Variants in TRPC4 observed in about 807,000 individuals in gnomAD.
TRPC4 encodes short transient receptor potential channel 4.
In TRPC4, 49 loss-of-function variants were observed where a neutral mutation model predicts 99.4. That is an observed-to-expected ratio of 0.49 (90% CI 0.39 to 0.63). The LOEUF is 0.63. Ranked by LOEUF, TRPC4 falls within the 20% of genes least tolerant of loss-of-function variation. TRPC4 has a pLI of 0.00. For synonymous variants in TRPC4, 454 were observed against 425.9 expected (o/e 1.07, Z -0.81); for missense variants, 898 against 1,152.9 (o/e 0.78, Z 3.20).
intron 1 of TRPC4, among the ~76,000 whole-genome samples, chr13:37,867,341 G>A (rs773775089): frequency 1.3e-4 from 19 of 151,826 alleles, no homozygotes; most frequent in Admixed American, 3.3e-4. Flanking sequence ...AATTATTTCA[G>A]TTTTCAGCTG....
intron 3 of TRPC4, among the ~76,000 whole-genome samples, chr13:37,733,636 G>T (rs1433842413): frequency 6.6e-6 from 1 of 151,976 alleles, no homozygotes; most frequent in Non-Finnish European, 1.5e-5. Flanking sequence ...ATAACAACTA[G>T]GTTCCTTGGT....
At chr13:37,711,811 G>A (rs1475566762) in intron 3 of TRPC4, among the ~76,000 whole-genome samples, 1 of 151,918 alleles carries the variant, frequency 6.6e-6, no homozygotes, top group African/African-American at 2.4e-5. Context: ...AATTTAAAAT[G>A]TTCTAATAGA....
chr13:37,817,101 ATAAGCCTT>A (rs1319033813), intron 1 of TRPC4, among the ~76,000 whole-genome samples: 2 of 152,132 alleles, frequency 1.3e-5, no homozygotes, highest in African/African-American at 4.8e-5. Context: ...TGCAGACAAC[ATAAGCCTT>A]TAACTAGAAA....
intron 3 of TRPC4, among the ~76,000 whole-genome samples, chr13:37,700,114 C>G (rs1954058206): frequency 6.6e-6 from 1 of 152,134 alleles, no homozygotes; most frequent in African/African-American, 2.4e-5. Context: ...TTCACCAATA[C>G]CCTTCTCAGA....
intron 1 of TRPC4, among the ~76,000 whole-genome samples, chr13:37,844,360 T>C (rs560547307): frequency 3.3e-5 from 5 of 152,198 alleles, no homozygotes; most frequent in Non-Finnish European, 5.9e-5. Flanking sequence ...AATGGCACAA[T>C]CTCGGCTCAC....
At chr13:37,800,245 T>G (rs1482231566) in intron 1 of TRPC4, among the ~76,000 whole-genome samples, 1 of 152,140 alleles carries the variant, frequency 6.6e-6, no homozygotes, top group Non-Finnish European at 1.5e-5. Context: ...CAGGCTAGAG[T>G]GCAGTGGCTA....
intron 1 of TRPC4, among the ~76,000 whole-genome samples, chr13:37,798,761 C>G (rs1299003548): frequency 1.3e-5 from 2 of 152,102 alleles, no homozygotes; most frequent in Non-Finnish European, 2.9e-5. Context: ...GAAGTAAAAT[C>G]ATGATTGTTA....
At chr13:37,639,384 T>G (rs1432960699) in intron 8 of TRPC4, 85 bp from the exon 9 acceptor site, 1 of 1,400,336 alleles carries the variant, frequency 7.1e-7, no homozygotes, top group Non-Finnish European at 9.8e-7. Context: ...TCGATAATGT[T>G]TTTATTCTTA....
chr13:37,764,921 T>C (rs1956321263), intron 2 of TRPC4, among the ~76,000 whole-genome samples: 1 of 151,110 alleles, frequency 6.6e-6, no homozygotes, highest in Non-Finnish European at 1.5e-5. Context: ...TTAAGATTTT[T>C]ACACTTATAT....
chr13:37,842,358 AAAAAAAAAAAAAGG>A (rs1237672046), intron 1 of TRPC4, among the ~76,000 whole-genome samples: 11 of 143,868 alleles, frequency 7.6e-5, no homozygotes, highest in Admixed American at 1.4e-4. Context: ...AAAAAAAAAA[AAAAAAAAAAAAAGG>A]AAAAGGAAAA....
In TRPC4 at chr13:37,756,850, T is replaced by A. The variant is rs1331437035; in HGVS notation, c.379-10395A>T. 2.6e-5 allele frequency among the ~76,000 whole-genome samples: 4 copies of A among 151,898 alleles called. No individual in the cohort carries two copies. The East Asian group carries it at 7.8e-4, about 29-fold the overall frequency. ...GTGACTGGCCTAAATACACTAATAG[T>A]TTGATTTGATGTCTGATGAAACATT... On this transcript the variant is annotated intron_variant, in intron 2 of 10. Coordinates refer to ENST00000379705, the MANE Select transcript of TRPC4 (RefSeq NM_016179.4).
Position 37,635,466 on chromosome 13 carries a change from A to G in TRPC4, c.*1437T>C, listed in dbSNP as rs1271032467. ...AGAGGCTGGCATTGTTATTGCTGTT[A>G]TTCCTTATTTTTGATGTTTGGTAAT... On this transcript the variant is annotated 3_prime_UTR_variant, in exon 11 of 11. Coordinates refer to ENST00000379705, the MANE Select transcript of TRPC4 (RefSeq NM_016179.4). Among the ~76,000 whole-genome samples, 1 of 152,136 alleles carries G rather than the reference A, an allele frequency of 6.6e-6. No individual in the cohort carries two copies. Among genetic ancestry groups the G allele is most frequent in the Non-Finnish European group, 1.5e-5 (1 of 68,006 alleles).
chr13:37,773,316 C>T (rs1180696834), intron 2 of TRPC4, among the ~76,000 whole-genome samples: 2 of 151,844 alleles, frequency 1.3e-5, no homozygotes, highest in East Asian at 3.9e-4. Context: ...GTTAATCTCT[C>T]TGAGCCGCAA....
intron 2 of TRPC4, among the ~76,000 whole-genome samples, chr13:37,753,585 G>GAGAGAGAGAGAGAGAGAA (rs1566145410): frequency 3.7e-5 from 2 of 53,830 alleles, no homozygotes; most frequent in African/African-American, 6.8e-5. Flanking sequence ...AAGAGAGAGA[G>GAGAGAGAGAGAGAGAGAA]AGAGAGAGAG....
rs1273510991 is a variant in TRPC4, at chr13:37,746,438, A to G, written c.396T>C (p.Leu132=). The change falls in exon 3 of 11, where the codon CTT becomes CTC. Residue 132 remains leucine (L), a synonymous_variant. Transcript: ENST00000379705. ...GAGTGAATTCAGAGAACTGCTTATC[A>G]AGGAGTATAGGAGGCACCTAAAAAA... ...SGEKQVPPIL[L]DKQFSEFTPD... is the part of the protein sequence containing the mutation. 2 of 1,584,154 alleles carry G rather than the reference A, an allele frequency of 1.3e-6. No homozygotes were observed. The highest frequency in any genetic ancestry group is 3.0e-5 in the African/African-American group (2 of 65,726).
rs1027992914 is a variant in TRPC4 at position 37,756,916 on chromosome 13, C to T, written c.379-10461G>A. On this transcript the variant is annotated intron_variant, in intron 2 of 10. Coordinates refer to ENST00000379705, the MANE Select transcript of TRPC4 (RefSeq NM_016179.4). ...TATAATAAACACCTTAAAAGAAATT[C>T]GGCACGATTACATACATATGGCTCT... 5.9e-5 allele frequency among the ~76,000 whole-genome samples: 9 copies of T among 151,934 alleles called. No homozygotes were observed. In the South Asian group the frequency reaches 6.2e-4, roughly 10 times the overall value.
At chr13:37,748,451 A>G (rs1183979066) in intron 2 of TRPC4, among the ~76,000 whole-genome samples, 4 of 152,106 alleles carry the variant, frequency 2.6e-5, no homozygotes, top group African/African-American at 9.7e-5. Flanking sequence ...AATAAGTATA[A>G]TATATCCATA....
chr13:37,814,491 A>C (rs1032134073), intron 1 of TRPC4, among the ~76,000 whole-genome samples: 16 of 151,876 alleles, frequency 1.1e-4, no homozygotes, highest in Non-Finnish European at 2.1e-4. Context: ...TGAACATAAA[A>C]TTAATTATAT....
chr13:37,803,445 T>C (rs551034080), intron 1 of TRPC4, among the ~76,000 whole-genome samples: 21 of 152,172 alleles, frequency 1.4e-4, no homozygotes, highest in African/African-American at 4.8e-4. Flanking sequence ...CACACACACA[T>C]CCTTACACAC....
Sources: gnomAD v4.1 joint callset for allele counts (sites outside exome capture counted in the v4.1 genomes callset) on GRCh38, gnomAD v4.1.1 for gene constraint, MANE v1.5 for transcripts, NCBI Gene and HGNC (gene_info 2026-07-23, HGNC 2026-07-21) for gene names.